The following DCC variants were observed in gnomAD, a reference collection of about 807,000 sequenced individuals.
DCC encodes netrin receptor DCC.
In DCC, 58 loss-of-function variants were observed where a neutral mutation model predicts 172.5. That is an observed-to-expected ratio of 0.34 (90% CI 0.27 to 0.42). The LOEUF (loss-of-function observed/expected upper bound fraction) is 0.42. DCC is among the 10% of genes least tolerant of loss of function. DCC has a pLI of 1.00. For synonymous variants in DCC, 709 were observed against 644.5 expected (o/e 1.10, Z -1.52); for missense variants, 1,740 against 1,791.0 (o/e 0.97, Z 0.51).
At chr18:52,799,487 C>T (rs1382435184) in intron 2 of DCC, among the ~76,000 whole-genome samples, 1 of 152,172 alleles carries the variant, frequency 6.6e-6, no homozygotes, top group East Asian at 1.9e-4. Flanking sequence ...TGCACACCTA[C>T]AATTGGGCAA....
chr18:53,466,903 C>T (rs2045628530), intron 24 of DCC, among the ~76,000 whole-genome samples: 1 of 152,148 alleles, frequency 6.6e-6, no homozygotes, highest in Admixed American at 6.6e-5. Flanking sequence ...ATTTAGGAAG[C>T]TTCCATGACT....
intron 1 of DCC, among the ~76,000 whole-genome samples, chr18:52,682,136 G>A (rs1189392537): frequency 7.2e-5 from 11 of 152,066 alleles, no homozygotes; most frequent in Admixed American, 7.2e-4. Flanking sequence ...GCAGTTTATG[G>A]ATTGCCTAAC....
intron 1 of DCC, among the ~76,000 whole-genome samples, chr18:52,681,231 C>A (rs1467813843): frequency 6.6e-6 from 1 of 152,056 alleles, no homozygotes; most frequent in African/African-American, 2.4e-5. Flanking sequence ...GATGTCTATT[C>A]CAGGTCAGTC....
chr18:53,211,650 G>C (rs2055754369), intron 11 of DCC, among the ~76,000 whole-genome samples: 1 of 152,170 alleles, frequency 6.6e-6, no homozygotes, highest in Non-Finnish European at 1.5e-5. Context: ...CGTGAACCCA[G>C]GAGGTGGAGC....
At chr18:52,753,344 A>C (rs2037029325) in intron 2 of DCC, among the ~76,000 whole-genome samples, 2 of 152,232 alleles carry the variant, frequency 1.3e-5, no homozygotes, top group Non-Finnish European at 2.9e-5. Flanking sequence ...GAAAACAGTC[A>C]TAGGACCTCA....
At chr18:53,094,704 G>T (rs1272531711) in intron 7 of DCC, among the ~76,000 whole-genome samples, 1 of 152,160 alleles carries the variant, frequency 6.6e-6, no homozygotes. Flanking sequence ...GACCATTTGG[G>T]TAAAGCATTT....
At chr18:53,351,465 T>TATATATATATATATATATATATACACA (rs1568075523) in intron 15 of DCC, among the ~76,000 whole-genome samples, 1 of 17,448 alleles carries the variant, frequency 5.7e-5, no homozygotes, top group Non-Finnish European at 1.2e-4. Flanking sequence ...ATACACAGTG[T>TATATATATATATATATATATATACACA]GTATATATAT....
At chr18:53,440,045 G>A (rs1218403502) in intron 22 of DCC, among the ~76,000 whole-genome samples, 7 of 151,712 alleles carry the variant, frequency 4.6e-5, no homozygotes, top group Admixed American at 6.6e-5. Flanking sequence ...GATTACAGGC[G>A]TGAGCCACCG....
intron 2 of DCC, among the ~76,000 whole-genome samples, chr18:52,790,580 A>T (rs923857161): frequency 1.3e-5 from 2 of 152,210 alleles, no homozygotes; most frequent in Non-Finnish European, 2.9e-5. Flanking sequence ...ACATTATAAA[A>T]AAAGATAGCC....
intron 1 of DCC, among the ~76,000 whole-genome samples, chr18:52,580,767 A>G (rs554010330): frequency 3.3e-5 from 5 of 152,266 alleles, no homozygotes; most frequent in African/African-American, 1.2e-4. Flanking sequence ...TTTAAGTGAC[A>G]TGAGGAATAT....
At chr18:53,008,639 G>A (rs1243438038) in intron 5 of DCC, among the ~76,000 whole-genome samples, 4 of 151,826 alleles carry the variant, frequency 2.6e-5, no homozygotes, top group African/African-American at 9.6e-5. Context: ...AGTACCATTG[G>A]CCACATTTCT....
intron 5 of DCC, among the ~76,000 whole-genome samples, chr18:53,023,960 A>G (rs932940996): frequency 1.3e-5 from 2 of 152,116 alleles, no homozygotes; most frequent in East Asian, 1.9e-4. Context: ...TAAAATGTGT[A>G]TCTATATGTT....
intron 7 of DCC, among the ~76,000 whole-genome samples, chr18:53,084,829 A>T (rs982233143): frequency 5.9e-5 from 9 of 152,208 alleles, no homozygotes; most frequent in Middle Eastern, 3.2e-3. Flanking sequence ...TAGGAAACAA[A>T]ATTTGAATTC....
At chr18:53,389,172 A>G (rs924523888) in intron 16 of DCC, among the ~76,000 whole-genome samples, 1 of 152,174 alleles carries the variant, frequency 6.6e-6, no homozygotes, top group Non-Finnish European at 1.5e-5. Flanking sequence ...TTTCTTTCTC[A>G]GCAAAAGTTT....
chr18:52,852,433 A>G (rs1389859153), intron 2 of DCC, among the ~76,000 whole-genome samples: 1 of 152,052 alleles, frequency 6.6e-6, no homozygotes, highest in Non-Finnish European at 1.5e-5. Flanking sequence ...ATCAAGAGTA[A>G]CACGATTTTG....
chr18:53,391,994 C>T, intron 17 of DCC, 107 bp downstream of exon 17: 2 of 717,836 alleles, frequency 2.8e-6, no homozygotes, highest in South Asian at 1.5e-5. Context: ...TGCTGTGTAT[C>T]TATGTAGAAA....
intron 1 of DCC, among the ~76,000 whole-genome samples, chr18:52,749,169 G>A (rs545964928): frequency 5.2e-4 from 79 of 151,982 alleles, no homozygotes; most frequent in Middle Eastern, 3.4e-3. Context: ...TCCAGCCTGG[G>A]AGACAGAGCC....
intron 5 of DCC, among the ~76,000 whole-genome samples, chr18:52,927,188 C>T (rs1203396853): frequency 6.3e-5 from 7 of 111,990 alleles, no homozygotes; most frequent in East Asian, 2.5e-4. Flanking sequence ...TGTATATATA[C>T]GTATATATAG....
At chr18:53,242,180 ACAG>A (rs1320541888) in intron 12 of DCC, among the ~76,000 whole-genome samples, 1 of 152,180 alleles carries the variant, frequency 6.6e-6, no homozygotes, top group Non-Finnish European at 1.5e-5. Flanking sequence ...AAGGGAAACT[ACAG>A]CAGCTGCAAA....
Sources: gnomAD v4.1 joint callset for allele counts (sites outside exome capture counted in the v4.1 genomes callset) on GRCh38, gnomAD v4.1.1 for gene constraint, MANE v1.5 for transcripts, NCBI Gene and HGNC (gene_info 2026-07-23, HGNC 2026-07-21) for gene names.